The following AGPS variants were observed in gnomAD, a reference collection of about 807,000 sequenced individuals.
The protein encoded by AGPS is alkylglycerone phosphate synthase.
In AGPS, 26 loss-of-function variants were observed where a neutral mutation model predicts 90.7. The observed-to-expected ratio is 0.29, with a 90% CI of 0.21 to 0.40. The LOEUF is 0.40. AGPS is among the 10% of genes least tolerant of loss of function. The pLI is 1.00. For missense variants in AGPS, 540 were observed against 816.1 expected, an observed-to-expected ratio of 0.66 and a Z score of 4.12; for synonymous variants, 294 against 285.3, an observed-to-expected ratio of 1.03 and a Z score of -0.31.
intron 11 of AGPS, among the ~76,000 whole-genome samples, chr2:177,490,492 A>G (rs879797982): frequency 7.6e-4 from 116 of 152,300 alleles, no homozygotes; most frequent in Non-Finnish European, 1.5e-3. Context: ...AATTAAAAAA[A>G]TTCTTTAGCT....
In AGPS at chr2:177,434,375, A is replaced by C. The variant is rs1298188753; in HGVS notation, c.399A>C (p.Gln133His). Residue 133 changes from glutamine (Q) to histidine (H), a missense_variant, in exon 3 of 20, where the codon CAA (glutamine) becomes CAC (histidine). Physicochemically the swap from Gln to His is conservative, Grantham distance 24 (BLOSUM62 0). Transcript: ENST00000264167. ...MGLPTFKEWI[Q>H]NTLGVNVEHK... is the part of the protein sequence containing the mutation. ...TACCAACATTTAAAGAATGGATCCA[A>C]AATACCCTTGGAGTAAATGTGGAGC... 6.2e-7 allele frequency: 1 copy of C among 1,613,250 alleles called. No individual in the cohort carries two copies. Among genetic ancestry groups the C allele is most frequent in the Non-Finnish European group, 8.5e-7 (1 of 1,179,514 alleles).
At chr2:177,535,553 G>A (rs147646804) in intron 19 of AGPS, among the ~76,000 whole-genome samples, 1 of 152,258 alleles carries the variant, frequency 6.6e-6, no homozygotes, top group Non-Finnish European at 1.5e-5. Context: ...TCTTCTCCAA[G>A]ATTAAGGCCT....
intron 2 of AGPS, among the ~76,000 whole-genome samples, chr2:177,431,199 C>T (rs1686232981): frequency 6.6e-6 from 1 of 152,210 alleles, no homozygotes; most frequent in Non-Finnish European, 1.5e-5. Context: ...TCCATAATGC[C>T]CCCTGAGCTA....
At chr2:177,490,537 C>T (rs899885130) in intron 11 of AGPS, among the ~76,000 whole-genome samples, 2 of 152,064 alleles carry the variant, frequency 1.3e-5, no homozygotes, top group Non-Finnish European at 2.9e-5. Context: ...TGTCTGTTAC[C>T]ATCTACTATT....
intron 16 of AGPS, among the ~76,000 whole-genome samples, chr2:177,508,917 C>T (rs1688786105): frequency 6.6e-6 from 1 of 152,100 alleles, no homozygotes; most frequent in African/African-American, 2.4e-5. Flanking sequence ...GGGCATTTCA[C>T]ATTTTGGTTT....
At chr2:177,527,843 A>G (rs970550134) in intron 19 of AGPS, among the ~76,000 whole-genome samples, 2 of 152,198 alleles carry the variant, frequency 1.3e-5, no homozygotes, top group African/African-American at 4.8e-5. Context: ...GCCTCATTTA[A>G]ATAGAAATCT....
intron 19 of AGPS, among the ~76,000 whole-genome samples, chr2:177,534,565 T>C (rs2079166258): frequency 9.1e-6 from 1 of 110,370 alleles, no homozygotes; most frequent in Non-Finnish European, 1.7e-5. Flanking sequence ...CCATTAGTTT[T>C]CTTTCTTTTC....
At chr2:177,519,486 A>G (rs531749167) in intron 17 of AGPS, among the ~76,000 whole-genome samples, 5 of 152,240 alleles carry the variant, frequency 3.3e-5, no homozygotes, top group Admixed American at 1.3e-4. Context: ...TCTTTAGACT[A>G]TGTCATATTT....
chr2:177,536,543 A>T (rs1454865716), intron 19 of AGPS, among the ~76,000 whole-genome samples: 1 of 152,172 alleles, frequency 6.6e-6, no homozygotes, highest in Non-Finnish European at 1.5e-5. Context: ...GTGAAAAAAC[A>T]GGCTGAATCA....
rs892670944 is a variant in AGPS at position 177,542,850 on chromosome 2, T to C, written c.*4655T>C. The C allele has an allele frequency of 5.9e-5, 9 of 152,184 alleles. No individual in the cohort carries two copies. The highest frequency in any genetic ancestry group is 9.7e-5 in the African/African-American group (4 of 41,438). 9.4% of individuals were successfully genotyped at this position (152,184 alleles called of 1,614,324 possible). On this transcript the variant is annotated 3_prime_UTR_variant, in exon 20 of 20. Coordinates refer to ENST00000264167, the MANE Select transcript of AGPS (RefSeq NM_003659.4). ...GCTCACAGTGCCTTGTTGGGATTTTTTTTTTCCATGAACTAGCCATTATTT... is the reference window on the plus strand; with the variant it reads ...GCTCACAGTGCCTTGTTGGGATTTTCTTTTTCCATGAACTAGCCATTATTT...
intron 1 of AGPS, among the ~76,000 whole-genome samples, chr2:177,415,641 G>A (rs1559036987): frequency 6.6e-6 from 1 of 152,196 alleles, no homozygotes; most frequent in Non-Finnish European, 1.5e-5. Context: ...AAGGCTCACT[G>A]TCTAGAGGAC....
chr2:177,489,319 C>T (rs1574004112), intron 11 of AGPS, among the ~76,000 whole-genome samples: 1 of 152,080 alleles, frequency 6.6e-6, no homozygotes, highest in Admixed American at 6.5e-5. Flanking sequence ...CTCCTGACCT[C>T]GTGATCCGCC....
At chr2:177,393,545 C>T in intron 1 of AGPS, 1 of 985,290 alleles carries the variant, frequency 1.0e-6, no homozygotes, top group Non-Finnish European at 1.2e-6. Context: ...GGGTAAGTTC[C>T]ACTTGCTTAG....
intron 11 of AGPS, among the ~76,000 whole-genome samples, chr2:177,488,919 A>G (rs1436849046): frequency 6.6e-6 from 1 of 152,122 alleles, no homozygotes; most frequent in African/African-American, 2.4e-5. Context: ...CCCCTCAGAC[A>G]TGTGAAATAT....
At chr2:177,450,216 T>C (rs1162494602) in intron 8 of AGPS, among the ~76,000 whole-genome samples, 1 of 152,198 alleles carries the variant, frequency 6.6e-6, no homozygotes, top group East Asian at 1.9e-4. Flanking sequence ...AATAAGTCTT[T>C]TTTCAGATAT....
intron 19 of AGPS, among the ~76,000 whole-genome samples, chr2:177,528,784 A>C (rs1333925146): frequency 6.6e-6 from 1 of 152,092 alleles, no homozygotes; most frequent in Non-Finnish European, 1.5e-5. Flanking sequence ...ATGCCCAAAT[A>C]AATGCTCACA....
chr2:177,529,466 T>C (rs773353363), intron 19 of AGPS, among the ~76,000 whole-genome samples: 1 of 152,054 alleles, frequency 6.6e-6, no homozygotes, highest in Non-Finnish European at 1.5e-5. Flanking sequence ...AGTAAGATCC[T>C]GTCTCTTAAA....
At chr2:177,515,056 G>A (rs926490152) in intron 17 of AGPS, among the ~76,000 whole-genome samples, 3 of 150,326 alleles carry the variant, frequency 2.0e-5, no homozygotes, top group East Asian at 1.9e-4. Flanking sequence ...ATATCTGAAG[G>A]AAAGGCAAAG....
intron 1 of AGPS, among the ~76,000 whole-genome samples, chr2:177,405,671 T>TTG (rs1315843888): frequency 4.3e-5 from 3 of 69,418 alleles, no homozygotes; most frequent in African/African-American, 1.6e-4. Flanking sequence ...CACTATTCTG[T>TTG]TGTTTTTTTT....
Sources: gnomAD v4.1 joint callset for allele counts (sites outside exome capture counted in the v4.1 genomes callset) on GRCh38, gnomAD v4.1.1 for gene constraint, MANE v1.5 for transcripts, NCBI Gene and HGNC (gene_info 2026-07-23, HGNC 2026-07-21) for gene names.